The following MAS1 variants were observed in gnomAD, a reference collection of about 807,000 sequenced individuals.
MAS1 encodes MAS1 proto-oncogene, G protein-coupled receptor.
For missense variants in MAS1, 387 were observed against 409.7 expected (o/e 0.94, Z 0.48); for synonymous variants, 163 against 164.2 (o/e 0.99, Z 0.05).
intron 1 of MAS1, among the ~76,000 whole-genome samples, chr6:159,895,691 T>G (rs1782747520): frequency 6.6e-6 from 1 of 152,172 alleles, no homozygotes; most frequent in Non-Finnish European, 1.5e-5. Context: ...TCTATCAAAT[T>G]TGGGAATTTA....
In MAS1 at chr6:159,908,544, C is replaced by CACAG. The variant is rs1207418183; in HGVS notation, c.*612_*613insCAGA. The stretch of plus-strand genomic sequence containing the variant: ...ACACACACACACACACACACACACA[C>CACAG]AGCTCTATCATGTACAGAAGTTATT... On this transcript the variant is annotated 3_prime_UTR_variant, in exon 3 of 3. Coordinates refer to ENST00000674077, the MANE Select transcript of MAS1 (RefSeq NM_002377.4). The CACAG allele has an allele frequency of 6.7e-5, 10 of 150,174 alleles. No homozygotes were observed. The highest frequency in any genetic ancestry group is 1.2e-4 in the Non-Finnish European group (8 of 67,668). 9.3% of individuals were successfully genotyped at this position (150,174 alleles called of 1,614,324 possible).
chr6:159,893,405 C>T (rs1245829930), intron 1 of MAS1, among the ~76,000 whole-genome samples: 1 of 152,150 alleles, frequency 6.6e-6, no homozygotes, highest in Non-Finnish European at 1.5e-5. Context: ...AGGGGGAGCA[C>T]TGGTCCAACA....
At chr6:159,898,207 A>G (rs1423524360) in intron 1 of MAS1, among the ~76,000 whole-genome samples, 2 of 152,024 alleles carry the variant, frequency 1.3e-5, no homozygotes, top group Non-Finnish European at 2.9e-5. Flanking sequence ...ACGTCTTAAT[A>G]AAAAATATTC....
intron 1 of MAS1, among the ~76,000 whole-genome samples, chr6:159,897,290 G>A (rs150152587): frequency 2.0e-5 from 3 of 152,214 alleles, no homozygotes; most frequent in African/African-American, 4.8e-5. Flanking sequence ...TTGTTTTTGC[G>A]GTCTTCTGTT....
Position 159,913,648 on chromosome 6 carries a change from A to G in MAS1, c.*5715A>G, listed in dbSNP as rs1782989570. The G allele has an allele frequency of 6.6e-6, 1 of 152,186 alleles. No individual in the cohort carries two copies. Among genetic ancestry groups the G allele is most frequent in the African/African-American group, 2.4e-5 (1 of 41,444 alleles). 9.4% of individuals were successfully genotyped at this position (152,186 alleles called of 1,614,324 possible). A position where few individuals can be genotyped will look rare whatever the true frequency, so the allele number is the denominator to read the frequency against. Reference sequence around the variant, plus strand: ...TTTGATGTGGTTTGGGTTTCTTACAACATGGTGATTGTGTTCTGGAAGGAA... The same window carrying G: ...TTTGATGTGGTTTGGGTTTCTTACAGCATGGTGATTGTGTTCTGGAAGGAA... On this transcript the variant is annotated 3_prime_UTR_variant, in exon 3 of 3. Transcript: ENST00000674077.
chr6:159,901,535 G>A (rs1337384784), intron 2 of MAS1, among the ~76,000 whole-genome samples: 1 of 152,188 alleles, frequency 6.6e-6, no homozygotes, highest in Non-Finnish European at 1.5e-5. Flanking sequence ...GGCATTTGAA[G>A]CTGCAGTGAG....
At chr6:159,898,658 CCCTCCTCCTT>C (rs1427412756) in intron 1 of MAS1, among the ~76,000 whole-genome samples, 19 of 59,528 alleles carry the variant, frequency 3.2e-4, no homozygotes, top group South Asian at 6.3e-4. Context: ...TCCTCCTCCT[CCCTCCTCCTT>C]CCTCTTCCTC....
intron 2 of MAS1, 66 bp from the exon 3 acceptor site, chr6:159,906,854 C>T: frequency 2.5e-6 from 3 of 1,223,418 alleles, no homozygotes; most frequent in Non-Finnish European, 2.3e-6. Flanking sequence ...TGAATTTCTC[C>T]CTTTTATTCC....
intron 1 of MAS1, among the ~76,000 whole-genome samples, chr6:159,891,404 C>T (rs771586803): frequency 2.4e-4 from 36 of 152,268 alleles, no homozygotes; most frequent in Middle Eastern, 6.8e-3. Context: ...TTCGCAGTAG[C>T]GTTTTCTTTT....
In MAS1 at chr6:159,914,665, TCCCC is replaced by T. The variant is rs1485654310; in HGVS notation, c.*6733_*6736del. The T allele has an allele frequency of 6.6e-6, 1 of 152,222 alleles. No homozygotes were observed. Among genetic ancestry groups the T allele is most frequent in the Non-Finnish European group, 1.5e-5 (1 of 68,112 alleles). The allele number at this position is 152,222 out of a possible 1,614,324, so 9.4% of individuals were successfully genotyped here. Reference sequence around the variant, plus strand: ...GCCAGCCAGTCCCTTCACCATGGTGTCCCCACTGATCAGAGCTCAGAGTGCACCA... The same window carrying T: ...GCCAGCCAGTCCCTTCACCATGGTGTACTGATCAGAGCTCAGAGTGCACCA... On this transcript the variant is annotated 3_prime_UTR_variant, in exon 3 of 3. Coordinates refer to ENST00000674077, the MANE Select transcript of MAS1 (RefSeq NM_002377.4).
Position 159,911,389 on chromosome 6 carries a change from C to T in MAS1, c.*3456C>T, listed in dbSNP as rs1485508320. ...TTGCTCTGTTGCCCCAGCTGGAGTG[C>T]GGTGGCGTGATTTCGGCTCACTGCA... On this transcript the variant is annotated 3_prime_UTR_variant, in exon 3 of 3. Transcript: ENST00000674077. The T allele has an allele frequency of 3.2e-5, 4 of 126,202 alleles. No individual in the cohort carries two copies. Among genetic ancestry groups the T allele is most frequent in the Non-Finnish European group, 6.2e-5 (4 of 64,690 alleles). The allele number at this position is 126,202 out of a possible 1,614,324, so 7.8% of individuals were successfully genotyped here. A position where few individuals can be genotyped will look rare whatever the true frequency, so the allele number is the denominator to read the frequency against.
In MAS1 at chr6:159,907,385, C is replaced by T. The variant is rs765532855; in HGVS notation, c.430C>T (p.Arg144Cys). Residue 144 changes from arginine (R) to cysteine (C), a missense_variant, in exon 3 of 3, where the codon CGC becomes TGC. Coordinates refer to ENST00000674077, the MANE Select transcript of MAS1 (RefSeq NM_002377.4). ...TTACCCCATCTGGTACCGATGCCAT[C>T]GCCCCAAGTACCAGTCGGCATTGGT... Reference protein sequence around the residue: ...VLYPIWYRCHRPKYQSALVCA... With the variant: ...VLYPIWYRCHCPKYQSALVCA... The T allele has an allele frequency of 9.9e-6, 16 of 1,614,030 alleles. No individual in the cohort carries two copies. Among genetic ancestry groups the T allele is most frequent in the African/African-American group, 1.3e-5 (1 of 74,916 alleles).
upstream of MAS1, among the ~76,000 whole-genome samples, chr6:159,890,417 C>T (rs529904024): frequency 6.6e-6 from 1 of 152,300 alleles, no homozygotes; most frequent in Admixed American, 6.5e-5. Context: ...GCCAATGGTG[C>T]AGACCCCTGC....
intron 1 of MAS1, among the ~76,000 whole-genome samples, chr6:159,892,789 G>A (rs962865874): frequency 1.3e-5 from 2 of 152,118 alleles, no homozygotes; most frequent in Non-Finnish European, 2.9e-5. Context: ...CACCATGCTT[G>A]TTTTCCCTGC....
intron 1 of MAS1, among the ~76,000 whole-genome samples, chr6:159,894,262 C>T (rs946306479): frequency 2.0e-5 from 3 of 151,544 alleles, no homozygotes; most frequent in African/African-American, 7.3e-5. Flanking sequence ...ACTAAAAATA[C>T]CAAAAAATTA....
chr6:159,889,291 G>C (rs1782671833), upstream of MAS1, among the ~76,000 whole-genome samples: 1 of 152,190 alleles, frequency 6.6e-6, no homozygotes, highest in Non-Finnish European at 1.5e-5. Context: ...CTGTTCTGTT[G>C]ACTTACATAA....
rs1782965525 is a variant in MAS1, at chr6:159,911,579, C to G, written c.*3646C>G. On this transcript the variant is annotated 3_prime_UTR_variant, in exon 3 of 3. Transcript: ENST00000674077. The stretch of plus-strand genomic sequence containing the variant: ...TATGCTATTCCCTTTGCACAGACTG[C>G]TCTACCTTTTTTTAATCTAGCAAAC... 6.6e-6 allele frequency: 1 copy of G among 152,122 alleles called. No homozygotes were observed. Among genetic ancestry groups the G allele is most frequent in the Admixed American group, 6.6e-5 (1 of 15,254 alleles). 9.4% of individuals were successfully genotyped at this position (152,122 alleles called of 1,614,324 possible). A position where few individuals can be genotyped will look rare whatever the true frequency, so the allele number is the denominator to read the frequency against.
In MAS1 at chr6:159,914,576, G is replaced by T. The variant is rs749395704; in HGVS notation, c.*6643G>T. 1 of 152,184 alleles carries T rather than the reference G, an allele frequency of 6.6e-6. No homozygotes were observed. Among genetic ancestry groups the T allele is most frequent in the Non-Finnish European group, 1.5e-5 (1 of 68,056 alleles). 9.4% of individuals were successfully genotyped at this position (152,184 alleles called of 1,614,324 possible). A position where few individuals can be genotyped will look rare whatever the true frequency, so the allele number is the denominator to read the frequency against. On this transcript the variant is annotated 3_prime_UTR_variant, in exon 3 of 3. Transcript: ENST00000674077. ...TTTGTTGTTTCCAGGCCAGGGGAGG[G>T]CTCTCGAGTATACCTAGGCTCGTGG...
chr6:159,896,700 C>A (rs1782757256), intron 1 of MAS1, among the ~76,000 whole-genome samples: 1 of 152,144 alleles, frequency 6.6e-6, no homozygotes, highest in African/African-American at 2.4e-5. Context: ...CTGTAACTGC[C>A]TAAAGGGTTC....
Sources: gnomAD v4.1 joint callset for allele counts (sites outside exome capture counted in the v4.1 genomes callset) on GRCh38, gnomAD v4.1.1 for gene constraint, MANE v1.5 for transcripts, NCBI Gene and HGNC (gene_info 2026-07-23, HGNC 2026-07-21) for gene names.